Variants in CIMIP5 observed in about 807,000 individuals in gnomAD.
CIMIP5 encodes ciliary microtubule inner protein 5, also known as uncharacterized protein C2orf50.
At chr2:11,149,681 TG>T in the CIMIP5 span, among the ~76,000 whole-genome samples, 1 of 152,016 alleles carries the variant, frequency 6.6e-6, no homozygotes, top group East Asian at 1.9e-4. Flanking sequence ...CCTTCCAGCC[TG>T]GGTGACAGAA....
At chr2:11,153,437 C>T in the CIMIP5 span, among the ~76,000 whole-genome samples, 1 of 152,216 alleles carries the variant, frequency 6.6e-6, no homozygotes, top group Non-Finnish European at 1.5e-5. Flanking sequence ...GGGCCCAGAT[C>T]CTGGCCAACC....
At chr2:11,141,421 C>T in the CIMIP5 span, among the ~76,000 whole-genome samples, 2 of 152,100 alleles carry the variant, frequency 1.3e-5, no homozygotes, top group Non-Finnish European at 2.9e-5. Context: ...AGCCACCACA[C>T]CCAGCCCCCA....
chr2:11,150,356 G>GGAC, the CIMIP5 span, among the ~76,000 whole-genome samples: 2 of 150,920 alleles, frequency 1.3e-5, no homozygotes, highest in Admixed American at 6.6e-5. Context: ...TTTTTGAGAT[G>GGAC]GAGTCTCGCT....
the CIMIP5 span, among the ~76,000 whole-genome samples, chr2:11,134,342 T>A: frequency 4.6e-5 from 7 of 152,196 alleles, no homozygotes; most frequent in Non-Finnish European, 8.8e-5. Context: ...ATGCATTTTT[T>A]CCAAAGGAGA....
At chr2:11,138,036 A>G in the CIMIP5 span, among the ~76,000 whole-genome samples, 18 of 152,046 alleles carry the variant, frequency 1.2e-4, no homozygotes, top group Admixed American at 1.2e-3. Context: ...AGTAGAGACG[A>G]GGTTTCACCG....
the CIMIP5 span, among the ~76,000 whole-genome samples, chr2:11,142,536 G>A: frequency 6.6e-6 from 1 of 152,098 alleles, no homozygotes; most frequent in African/African-American, 2.4e-5. Context: ...ATAGCAACCT[G>A]ACTACTGAAA....
the CIMIP5 span, among the ~76,000 whole-genome samples, chr2:11,153,317 G>C: frequency 1.8e-4 from 28 of 152,296 alleles, no homozygotes; most frequent in South Asian, 5.6e-3. Flanking sequence ...TCCCTGCGTG[G>C]TCCTGGGGGC....
chr2:11,145,657 C>G, the CIMIP5 span: 2 of 152,168 alleles, frequency 1.3e-5, no homozygotes, highest in African/African-American at 4.8e-5. Flanking sequence ...AACCCTAGGT[C>G]TCCCTTCCAG....
At chr2:11,145,769 A>C in the CIMIP5 span, 1 of 152,330 alleles carries the variant, frequency 6.6e-6, no homozygotes, top group Admixed American at 6.5e-5. Flanking sequence ...GGGGCACAAG[A>C]TGGAGGGAGC....
chr2:11,143,840 G>C, the CIMIP5 span: 1 of 1,217,652 alleles, frequency 8.2e-7, no homozygotes, highest in Non-Finnish European at 1.1e-6. Context: ...AGAGGCAGCT[G>C]CTCTCTGCTC....
At chr2:11,137,949 C>G in the CIMIP5 span, among the ~76,000 whole-genome samples, 1 of 152,164 alleles carries the variant, frequency 6.6e-6, no homozygotes, top group Non-Finnish European at 1.5e-5. Context: ...GGGTTCACGC[C>G]ATTCTCCTGC....
At chr2:11,140,707 G>C in the CIMIP5 span, among the ~76,000 whole-genome samples, 4 of 152,132 alleles carry the variant, frequency 2.6e-5, no homozygotes, top group African/African-American at 9.7e-5. Context: ...TGCAGGGTCC[G>C]TTGGATAGAA....
chr2:11,133,426 C>A, the CIMIP5 span: 3 of 1,611,124 alleles, frequency 1.9e-6, no homozygotes, highest in South Asian at 2.2e-5. Context: ...GTCTCCCCAG[C>A]TGCCCGGGGT....
chr2:11,142,176 G>C, the CIMIP5 span, among the ~76,000 whole-genome samples: 1 of 147,026 alleles, frequency 6.8e-6, no homozygotes, highest in Non-Finnish European at 1.5e-5. Context: ...TGAGGCAGGA[G>C]AATAGCTTGA....
the CIMIP5 span, among the ~76,000 whole-genome samples, chr2:11,138,136 G>A: frequency 0.027 from 4,151 of 152,300 alleles, 86 homozygotes; most frequent in Non-Finnish European, 0.038. Context: ...GAGCCACCGC[G>A]CCTGGCAGAA....
the CIMIP5 span, chr2:11,140,445 G>A: frequency 1.7e-6 from 2 of 1,202,104 alleles, no homozygotes; most frequent in Non-Finnish European, 2.4e-6. Context: ...ACTTGACACA[G>A]TGAAAGTCAT....
the CIMIP5 span, chr2:11,133,260 T>A: frequency 6.7e-7 from 1 of 1,485,020 alleles, no homozygotes; most frequent in Non-Finnish European, 8.9e-7. Context: ...AGGAGGAGGT[T>A]TGAGCTGAGC....
At chr2:11,152,454 G>T in the CIMIP5 span, among the ~76,000 whole-genome samples, 53,196 of 152,120 alleles carry the variant, frequency 0.35, 10,912 homozygotes, top group South Asian at 0.5. Context: ...GGTCAGTTAG[G>T]TCTGATTTCT....
the CIMIP5 span, among the ~76,000 whole-genome samples, chr2:11,146,364 A>G: frequency 6.6e-6 from 1 of 152,214 alleles, no homozygotes; most frequent in African/African-American, 2.4e-5. Flanking sequence ...ATACTTAAGC[A>G]TTATGCTATA....
Sources: allele counts gnomAD v4.1 joint callset (sites outside exome capture counted in the v4.1 genomes callset), GRCh38; gene constraint gnomAD v4.1.1; transcripts MANE v1.5; gene names NCBI Gene and HGNC (gene_info 2026-07-23, HGNC 2026-07-21).